Variants in COL5A3 observed in about 807,000 individuals in gnomAD.
COL5A3 encodes the protein collagen type V alpha 3 chain.
A neutral mutation model predicts 250.0 loss-of-function variants in COL5A3; 172 were observed. The observed-to-expected ratio is 0.69, with a 90% CI of 0.61 to 0.78. The LOEUF (loss-of-function observed/expected upper bound fraction) is 0.78, where lower values mean the gene tolerates loss of function less well. COL5A3 is among the 30% of genes least tolerant of loss of function. The pLI is 0.00. For synonymous variants in COL5A3, 937 were observed against 900.4 expected (o/e 1.04, Z -0.73); for missense variants, 2,340 against 2,334.4 (o/e 1.00, Z -0.05).
intron 3 of COL5A3, 24 bp downstream of exon 3, chr19:10,005,772 C>T (rs1276978392): frequency 1.9e-6 from 3 of 1,601,892 alleles, no homozygotes; most frequent in South Asian, 2.2e-5. Context: ...TCCACGGACC[C>T]CCGCCCACTC....
chr19:9,982,039 C>T (rs2087018610), intron 32 of COL5A3, 26 bp downstream of exon 32: 7 of 1,595,286 alleles, frequency 4.4e-6, no homozygotes, highest in South Asian at 2.2e-5. Flanking sequence ...GTTCTCCCCT[C>T]TCCCTTACCC....
intron 62 of COL5A3, 40 bp from the exon 63 acceptor site, chr19:9,966,786 G>C (rs73003436): frequency 0.017 from 25,083 of 1,449,288 alleles, 455 homozygotes; most frequent in East Asian, 0.074. Context: ...GAGGGGAGAT[G>C]GGGGAGGGAG....
chr19:9,980,591 A>ATATC lies in COL5A3; in HGVS notation c.2604+56_2604+57insGATA. 2.0e-6 allele frequency: 3 copies of ATATC among 1,505,270 alleles called. No individual in the cohort carries two copies. In the South Asian group the frequency reaches 3.6e-5, roughly 18 times the overall value. The allele number at this position is 1,505,270 out of a possible 1,614,324, so 93.2% of individuals were successfully genotyped here. On this transcript the variant is annotated intron_variant, in intron 35 of 66. Coordinates refer to ENST00000264828, the MANE Select transcript of COL5A3 (RefSeq NM_015719.4). ...CTCTTGGGTTTGTCCTCCACTCAGAATCTCTCTCTCTCACACACACACACA... is the reference window on the plus strand; with the variant it reads ...CTCTTGGGTTTGTCCTCCACTCAGAATATCTCTCTCTCTCTCACACACACACACA...
Position 10,006,074 on chromosome 19 carries a change from T to G in COL5A3, c.246A>C (p.Pro82=). The change falls in exon 2 of 67, where the codon CCA becomes CCC. Residue 82 remains proline, a splice_region_variant and synonymous_variant. Transcript: ENST00000264828. The stretch of plus-strand genomic sequence containing the variant: ...CCCAGGCCTCCTACTCCAACTCACC[T>G]GGAAAGAGTTCCCACGTGGGGATGC... ...TLGIPTWELF[P]EGHFPENFSL... 1 of 1,613,898 alleles carries G rather than the reference T, an allele frequency of 6.2e-7. No individual in the cohort carries two copies. Among genetic ancestry groups the G allele is most frequent in the Non-Finnish European group, 8.5e-7 (1 of 1,179,860 alleles).
chr19:9,980,942 C>G, intron 33 of COL5A3, 83 bp from the exon 34 acceptor site: 1 of 1,515,432 alleles, frequency 6.6e-7, no homozygotes, highest in Non-Finnish European at 9.0e-7. Flanking sequence ...AGGTCCCCTC[C>G]CCTTGTGACT....
intron 1 of COL5A3, among the ~76,000 whole-genome samples, chr19:10,007,736 G>C (rs1475767595): frequency 1.3e-5 from 2 of 152,164 alleles, no homozygotes; most frequent in East Asian, 3.9e-4. Context: ...GGGCTTGGAT[G>C]AAGGACCCCC....
chr19:9,975,429 G>T (rs939795915), intron 45 of COL5A3, among the ~76,000 whole-genome samples: 1 of 152,110 alleles, frequency 6.6e-6, no homozygotes, highest in Non-Finnish European at 1.5e-5. Context: ...GTAGAGTTGA[G>T]ACTGGGGCTG....
At chr19:9,981,804 C>T (rs1007886349) in intron 32 of COL5A3, among the ~76,000 whole-genome samples, 3 of 152,222 alleles carry the variant, frequency 2.0e-5, no homozygotes, top group African/African-American at 7.2e-5. Context: ...CACAGGCCTG[C>T]AGGCTGCGGC....
In COL5A3 at chr19:9,964,081, G is replaced by C. The variant is rs567479994; in HGVS notation, c.4783-1194C>G. Among the ~76,000 whole-genome samples the C allele has an allele frequency of 1.1e-3, 167 of 152,284 alleles. 7 individuals carry two copies. In the South Asian group the frequency reaches 0.033, roughly 30 times the overall value. On this transcript the variant is annotated intron_variant, in intron 64 of 66. Coordinates refer to ENST00000264828, the MANE Select transcript of COL5A3 (RefSeq NM_015719.4). ...TCAGCTACTCGGGAGGCTAAGGCAG[G>C]AGAATTGCTTGAACTGGGGAGGTGG...
chr19:9,995,588 T>A lies in COL5A3; in HGVS notation c.1563A>T (p.Gly521=). 2 of 1,604,062 alleles carry A rather than the reference T, an allele frequency of 1.2e-6. No individual in the cohort carries two copies. Among genetic ancestry groups the A allele is most frequent in the Non-Finnish European group, 1.7e-6 (2 of 1,174,474 alleles). ...CCATCTTGCCCACTCGGCCAGGGGG[T>A]CCATGAGGTCCCTGCAGGCCTCGGG... ...QGPRGLQGPH[G]PPGRVGKMGR... is the part of the protein sequence containing the mutation. Residue 521 remains glycine, a synonymous_variant, in exon 16 of 67, where the codon GGA becomes GGT. Coordinates refer to ENST00000264828, the MANE Select transcript of COL5A3 (RefSeq NM_015719.4).
Position 9,960,657 on chromosome 19 carries a change from G to A in COL5A3, c.5085C>T (p.Gly1695=). ...TAATVSVPQD[G]CRLRKGQTKT... ...CACTGCCCCACCCTCTTACCCGGCA[G>A]CCATCCTGGGGGACGCTGACAGTGG... The change falls in exon 66 of 67, where the codon GGC becomes GGT. Residue 1695 remains glycine (G), a synonymous_variant. Coordinates refer to ENST00000264828, the MANE Select transcript of COL5A3 (RefSeq NM_015719.4). 1 of 1,613,922 alleles carries A rather than the reference G, an allele frequency of 6.2e-7. No homozygotes were observed.
At chr19:9,992,756 G>T in intron 21 of COL5A3, 71 bp downstream of exon 21, 1 of 1,494,926 alleles carries the variant, frequency 6.7e-7, no homozygotes, top group South Asian at 1.1e-5. Context: ...CAGCCTGGGC[G>T]ACAGAGCGAG....
At chr19:10,000,918 A>G (rs10415297) in intron 8 of COL5A3, among the ~76,000 whole-genome samples, 20,077 of 152,068 alleles carry the variant, frequency 0.13, 1,414 homozygotes, top group Middle Eastern at 0.17. Flanking sequence ...GAGGGGAACA[A>G]CAGACACTGG....
chr19:9,965,702 G>GC (rs543817250), intron 64 of COL5A3, among the ~76,000 whole-genome samples: 29,723 of 147,914 alleles, frequency 0.2, 3,095 homozygotes, highest in South Asian at 0.34. Flanking sequence ...ATCTGCCCCC[G>GC]CTTGGCCTCC....
At chr19:9,978,830 C>T (rs1411308516) in intron 40 of COL5A3, 61 bp downstream of exon 40, 14 of 1,215,166 alleles carry the variant, frequency 1.2e-5, no homozygotes, top group African/African-American at 1.6e-5. Flanking sequence ...CATCCCTCCC[C>T]TGACCCCCCC....
intron 8 of COL5A3, among the ~76,000 whole-genome samples, chr19:10,000,233 T>C (rs2087339398): frequency 6.6e-6 from 1 of 152,084 alleles, no homozygotes; most frequent in African/African-American, 2.4e-5. Flanking sequence ...GTCTCTCTTG[T>C]TTTCCTTTCA....
chr19:9,981,126 T>A lies in COL5A3; in HGVS notation c.2467A>T (p.Thr823Ser). Reference sequence around the variant, plus strand: ...TCTCCTTCCAGGCCTGGCTGCCCTGTCTTTCCCTGAAAATGAATTGTAAGA... The same window carrying A: ...TCTCCTTCCAGGCCTGGCTGCCCTGACTTTCCCTGAAAATGAATTGTAAGA... ...PIGEKGKSGKTGQPGLEGERG... is the reference protein window; with the variant it reads ...PIGEKGKSGKSGQPGLEGERG... Residue 823 changes from threonine to serine, a missense_variant, in exon 33 of 67, where the codon ACA (threonine) becomes TCA (serine). Thr to Ser is a moderately conservative substitution (Grantham distance 58). Coordinates refer to ENST00000264828, the MANE Select transcript of COL5A3 (RefSeq NM_015719.4). 1 of 1,614,040 alleles carries A rather than the reference T, an allele frequency of 6.2e-7. No homozygotes were observed.
chr19:9,962,717 G>A (rs1177745732), intron 65 of COL5A3, 102 bp downstream of exon 65: 5 of 879,598 alleles, frequency 5.7e-6, no homozygotes, highest in Non-Finnish European at 8.9e-6. Context: ...GTAGAGGAAA[G>A]CCTATCCTCT....
chr19:9,974,623 T>C (rs2086895477), intron 45 of COL5A3, among the ~76,000 whole-genome samples: 1 of 152,066 alleles, frequency 6.6e-6, no homozygotes, highest in African/African-American at 2.4e-5. Flanking sequence ...GTGAGTCGGA[T>C]TTGCAGTTGA....
Sources: gnomAD v4.1 joint callset for allele counts (sites outside exome capture counted in the v4.1 genomes callset) on GRCh38, gnomAD v4.1.1 for gene constraint, MANE v1.5 for transcripts, NCBI Gene and HGNC (gene_info 2026-07-23, HGNC 2026-07-21) for gene names.